EFCAB6: variants seen among roughly 807,000 people sequenced by gnomAD.
EFCAB6 encodes the protein EF-hand calcium-binding domain-containing protein 6.
EFCAB6 carries 156 observed loss-of-function variants against 169.8 expected under a neutral mutation model. The ratio of observed to expected loss-of-function variants is 0.92; its 90% CI spans 0.81 to 1.05. The LOEUF is 1.05. EFCAB6 is among the 50% of genes least tolerant of loss of function. EFCAB6 has a pLI of 0.00. For synonymous variants in EFCAB6, 698 were observed against 676.4 expected, an observed-to-expected ratio of 1.03 and a Z score of -0.50; for missense variants, 1,800 against 1,829.1, an observed-to-expected ratio of 0.98 and a Z score of 0.29.
intron 2 of EFCAB6, among the ~76,000 whole-genome samples, chr22:43,793,564 A>C (rs537591449): frequency 6.6e-6 from 1 of 152,306 alleles, no homozygotes; most frequent in Admixed American, 6.5e-5. Flanking sequence ...TCACCATTTA[A>C]CTCAGAATGT....
intron 17 of EFCAB6, among the ~76,000 whole-genome samples, chr22:43,656,825 A>AAGAGGCTATAG (rs1341699342): frequency 2.0e-4 from 30 of 152,200 alleles, no homozygotes; most frequent in Admixed American, 3.9e-4. Flanking sequence ...AGGCTATAGC[A>AAGAGGCTATAG]CCTAGGTTTG....
Position 43,786,793 on chromosome 22 carries a change from G to T in EFCAB6, c.-7-4468C>A, listed in dbSNP as rs80003232. The stretch of plus-strand genomic sequence containing the variant: ...AAAACCAATATTCCTTATGAGTATA[G>T]GGAAAATTCTCAAAAATAGAATCCA... On this transcript the variant is annotated intron_variant, in intron 2 of 31. Transcript: ENST00000262726. Among the ~76,000 whole-genome samples the T allele has an allele frequency of 2.6e-3, 390 of 151,890 alleles. 3 individuals carry two copies. The highest frequency in any genetic ancestry group is 8.9e-3 in the African/African-American group (369 of 41,488).
chr22:43,600,254 G>A lies in EFCAB6; in HGVS notation c.2691C>T (p.Thr897=), dbSNP rs758727211. The A allele has an allele frequency of 2.4e-5, 39 of 1,613,614 alleles. No homozygotes were observed. Among genetic ancestry groups the A allele is most frequent in the Non-Finnish European group, 3.1e-5 (36 of 1,179,904 alleles). ...EFEKLWARYD[T]EGKGHITYQE... is the part of the protein sequence containing the mutation. ...GGTAAGTAATGTGCCCTTTTCCCTCGGTGTCGTATCTTAAAACAAAAACAA... is the reference window on the plus strand; with the variant it reads ...GGTAAGTAATGTGCCCTTTTCCCTCAGTGTCGTATCTTAAAACAAAAACAA... Residue 897 remains threonine, a synonymous_variant, in exon 23 of 32, where the codon ACC becomes ACT. Coordinates refer to ENST00000262726, the MANE Select transcript of EFCAB6 (RefSeq NM_022785.4).
intron 2 of EFCAB6, among the ~76,000 whole-genome samples, chr22:43,804,362 C>CA (rs1174914504): frequency 2.0e-5 from 3 of 151,274 alleles, no homozygotes; most frequent in Admixed American, 1.3e-4. Flanking sequence ...ATGCCTATGT[C>CA]AAAAAAAATA....
intron 9 of EFCAB6, 159 bp downstream of exon 9, chr22:43,716,689 T>C (rs2059342258): frequency 1.4e-6 from 1 of 710,272 alleles, no homozygotes; most frequent in Non-Finnish European, 2.1e-6. Flanking sequence ...GATCAATGTA[T>C]TGCTGTTATT....
intron 17 of EFCAB6, among the ~76,000 whole-genome samples, chr22:43,639,544 T>C (rs2055658823): frequency 1.3e-5 from 2 of 152,268 alleles, no homozygotes; most frequent in African/African-American, 4.8e-5. Flanking sequence ...TGTTTCCCTG[T>C]TTGTAATGTG....
At chr22:43,753,571 T>C (rs1422223058) in intron 6 of EFCAB6, among the ~76,000 whole-genome samples, 2 of 152,096 alleles carry the variant, frequency 1.3e-5, no homozygotes, top group Admixed American at 6.5e-5. Flanking sequence ...CCTTGACTTA[T>C]AGAGACAATG....
At chr22:43,767,342 G>A (rs1225039719) in intron 4 of EFCAB6, among the ~76,000 whole-genome samples, 1 of 152,222 alleles carries the variant, frequency 6.6e-6, no homozygotes, top group African/African-American at 2.4e-5. Flanking sequence ...AAGAATGCCT[G>A]TGACTTCTTT....
At chr22:43,736,933 G>A (rs901209030) in intron 6 of EFCAB6, among the ~76,000 whole-genome samples, 3 of 151,786 alleles carry the variant, frequency 2.0e-5, no homozygotes, top group Non-Finnish European at 4.4e-5. Flanking sequence ...AAAGCTCACA[G>A]CCTTGACCCA....
At position 43,635,181 on chromosome 22, in the gene EFCAB6, A is replaced by G; in HGVS notation, c.2019T>C (p.Asp673=). ...TTTTAGTGGTCAGCAGGGCATACTG[A>G]TCATCGTCCATGGGCATCCCAGTGT... is the stretch of plus-strand genomic sequence containing the variant. ...LEDTGMPMDD[D]QYALLTTKIG... is the part of the protein sequence containing the mutation. Residue 673 remains aspartate, a synonymous_variant, in exon 18 of 32, where the codon GAT becomes GAC. Coordinates refer to ENST00000262726, the MANE Select transcript of EFCAB6 (RefSeq NM_022785.4). 1 of 1,613,998 alleles carries G rather than the reference A, an allele frequency of 6.2e-7. No homozygotes were observed. Among genetic ancestry groups the G allele is most frequent in the Admixed American group, 1.7e-5 (1 of 60,008 alleles).
chr22:43,547,746 A>T (rs2048142263), intron 27 of EFCAB6, among the ~76,000 whole-genome samples: 1 of 149,990 alleles, frequency 6.7e-6, no homozygotes, highest in Non-Finnish European at 1.5e-5. Context: ...GCCTGGGGAA[A>T]AAAAGAAAAA....
Position 43,547,095 on chromosome 22 carries a change from G to A in EFCAB6, c.3649-6738C>T, listed in dbSNP as rs146299410. On this transcript the variant is annotated intron_variant, in intron 27 of 31. Coordinates refer to ENST00000262726, the MANE Select transcript of EFCAB6 (RefSeq NM_022785.4). ...AAATAAATGACCACTGTATAAAACA[G>A]TCTAATGATTAATTTGTGGAGAAAA... Among the ~76,000 whole-genome samples, 581 of 152,228 alleles carry A rather than the reference G, an allele frequency of 3.8e-3. 2 individuals carry two copies. The highest frequency in any genetic ancestry group is 0.014 in the African/African-American group (566 of 41,530).
At chr22:43,656,498 A>C (rs143749880) in intron 17 of EFCAB6, among the ~76,000 whole-genome samples, 1 of 152,246 alleles carries the variant, frequency 6.6e-6, no homozygotes, top group African/African-American at 2.4e-5. Flanking sequence ...TATGGACCGC[A>C]TAATGGCATT....
At position 43,605,048 on chromosome 22, in the gene EFCAB6, T is replaced by C. The variant is rs549924700; in HGVS notation, c.2681+3434A>G. 1.1e-4 allele frequency among the ~76,000 whole-genome samples: 17 copies of C among 152,296 alleles called. No individual in the cohort carries two copies. The South Asian group carries it at 3.3e-3, about 30-fold the overall frequency. On this transcript the variant is annotated intron_variant, in intron 22 of 31. Transcript: ENST00000262726. ...GGTTAAATGAGGCTACAGCAGGTGC[T>C]CGGAATGCCAAGCCCTCCCCAAGGA... is the stretch of plus-strand genomic sequence containing the variant.
chr22:43,555,128 T>C lies in EFCAB6; in HGVS notation c.3421-32A>G, dbSNP rs79881838. 1.9e-6 allele frequency: 3 copies of C among 1,609,450 alleles called. No individual in the cohort carries two copies. In the Admixed American group the frequency reaches 5.0e-5, roughly 27 times the overall value. On this transcript the variant is annotated intron_variant, in intron 26 of 31. Coordinates refer to ENST00000262726, the MANE Select transcript of EFCAB6 (RefSeq NM_022785.4). ...AAAATAGAATGGAAATTGATCCATG[T>C]GAGAAATAATCGACCACCTCTTGCT...
At chr22:43,581,765 C>T (rs2050742682) in intron 24 of EFCAB6, among the ~76,000 whole-genome samples, 1 of 152,180 alleles carries the variant, frequency 6.6e-6, no homozygotes, top group Admixed American at 6.5e-5. Flanking sequence ...TGAGCTTTTC[C>T]AACCCACAGC....
chr22:43,729,996 A>G (rs1480880544), intron 8 of EFCAB6, among the ~76,000 whole-genome samples: 6 of 150,626 alleles, frequency 4.0e-5, no homozygotes, highest in Admixed American at 4.0e-4. Context: ...CCCTGTCTCT[A>G]GAATTTTTTT....
chr22:43,559,194 G>T (rs529909786), intron 26 of EFCAB6, among the ~76,000 whole-genome samples: 3 of 152,122 alleles, frequency 2.0e-5, no homozygotes, highest in African/African-American at 7.2e-5. Context: ...ATCAAAAAGT[G>T]GGCAAAGGAT....
At chr22:43,536,976 G>A (rs564523827) in intron 29 of EFCAB6, 38 of 160,572 alleles carry the variant, frequency 2.4e-4, no homozygotes, top group Middle Eastern at 5.9e-3. Context: ...GCTGAAAAAC[G>A]AAACAACATC....
Sources: gnomAD v4.1 joint callset for allele counts (sites outside exome capture counted in the v4.1 genomes callset) on GRCh38, gnomAD v4.1.1 for gene constraint, MANE v1.5 for transcripts, NCBI Gene and HGNC (gene_info 2026-07-23, HGNC 2026-07-21) for gene names.